PDE1C: variants seen among roughly 807,000 people sequenced by gnomAD.
PDE1C encodes the protein dual specificity calcium/calmodulin-dependent 3',5'-cyclic nucleotide phosphodiesterase 1C.
In PDE1C, 62 loss-of-function variants were observed where a neutral mutation model predicts 93.1. That is an observed-to-expected ratio of 0.67 (90% CI 0.54 to 0.82). PDE1C has a LOEUF of 0.82. Among genes scored for constraint, PDE1C ranks in the 40% least tolerant of loss-of-function variants. PDE1C has a pLI of 0.00. For synonymous variants in PDE1C, 325 were observed against 310.1 expected, an observed-to-expected ratio of 1.05 and a Z score of -0.50; for missense variants, 742 against 884.6, an observed-to-expected ratio of 0.84 and a Z score of 2.04.
At chr7:31,762,592 G>T (rs759076883) in intron 17 of PDE1C, among the ~76,000 whole-genome samples, 1 of 152,060 alleles carries the variant, frequency 6.6e-6, no homozygotes, top group African/African-American at 2.4e-5. Flanking sequence ...TGCCCATCTC[G>T]GCCTCCCAAA....
chr7:32,253,496 A>C (rs935959701), intron 1 of PDE1C, among the ~76,000 whole-genome samples: 3 of 152,196 alleles, frequency 2.0e-5, no homozygotes, highest in Non-Finnish European at 4.4e-5. Flanking sequence ...TAGAAAGAGA[A>C]TCTGCTTATA....
intron 1 of PDE1C, among the ~76,000 whole-genome samples, chr7:32,271,808 C>A (rs1530823): frequency 0.9 from 136,653 of 152,254 alleles, 61,376 homozygotes; most frequent in East Asian, 0.92. Flanking sequence ...CTTGTGATCT[C>A]TCTACTCCAC....
intron 2 of PDE1C, among the ~76,000 whole-genome samples, chr7:32,206,197 T>G (rs73106524): frequency 0.34 from 51,624 of 151,722 alleles, 9,376 homozygotes; most frequent in Admixed American, 0.46. Flanking sequence ...GTAGGAGACC[T>G]TTGAGGATAT....
chr7:31,970,416 A>G (rs1810783453), intron 2 of PDE1C, among the ~76,000 whole-genome samples: 2 of 152,236 alleles, frequency 1.3e-5, no homozygotes, highest in South Asian at 2.1e-4. Context: ...AAAAGTGACA[A>G]CACACCTGTG....
chr7:32,107,376 G>T (rs1024934528), intron 3 of PDE1C, among the ~76,000 whole-genome samples: 27 of 151,880 alleles, frequency 1.8e-4, no homozygotes, highest in African/African-American at 5.8e-4. Flanking sequence ...GCAAGGGAGG[G>T]AAGGAAGGAA....
At chr7:32,340,579 T>C (rs1451669839) in intron 1 of PDE1C, among the ~76,000 whole-genome samples, 1 of 152,226 alleles carries the variant, frequency 6.6e-6, no homozygotes, top group African/African-American at 2.4e-5. Context: ...AAGCAAAGGG[T>C]ACACAATCAT....
At chr7:31,973,027 G>C (rs528613163) in intron 2 of PDE1C, among the ~76,000 whole-genome samples, 6 of 152,208 alleles carry the variant, frequency 3.9e-5, no homozygotes, top group African/African-American at 1.4e-4. Context: ...CTGCAGGCTT[G>C]GCATCTCTCA....
At chr7:31,966,388 C>A (rs1165689086) in intron 2 of PDE1C, among the ~76,000 whole-genome samples, 2 of 152,184 alleles carry the variant, frequency 1.3e-5, no homozygotes, top group Admixed American at 6.5e-5. Context: ...GTAAAGGGAT[C>A]AATTCAACAA....
chr7:32,371,709 T>C (rs748120674), intron 1 of PDE1C, among the ~76,000 whole-genome samples: 13 of 152,216 alleles, frequency 8.5e-5, no homozygotes, highest in Non-Finnish European at 1.6e-4. Context: ...AAGACTTACA[T>C]AAATGGAAAA....
chr7:32,280,363 A>T (rs1285112636), intron 1 of PDE1C, among the ~76,000 whole-genome samples: 1 of 152,222 alleles, frequency 6.6e-6, no homozygotes, highest in Non-Finnish European at 1.5e-5. Context: ...ATTCATAAGA[A>T]AAAATTATAT....
the PDE1C span, among the ~76,000 whole-genome samples, chr7:31,697,514 AAAAG>A: frequency 6.6e-6 from 1 of 152,204 alleles, no homozygotes; most frequent in Non-Finnish European, 1.5e-5. Flanking sequence ...GAGAGACAGA[AAAAG>A]AGATGCAGAA....
intron 2 of PDE1C, among the ~76,000 whole-genome samples, chr7:32,203,395 T>C (rs538398351): frequency 1.0e-3 from 156 of 152,252 alleles, no homozygotes; most frequent in African/African-American, 3.7e-3. Flanking sequence ...CACCATGTCA[T>C]AGGTGCTGCC....
chr7:31,646,400 G>A, the PDE1C span, among the ~76,000 whole-genome samples: 1 of 152,140 alleles, frequency 6.6e-6, no homozygotes, highest in Non-Finnish European at 1.5e-5. Context: ...GAGCAGATTC[G>A]CAGGTAGAAG....
intron 3 of PDE1C, among the ~76,000 whole-genome samples, chr7:32,132,732 G>A (rs1461329346): frequency 2.6e-5 from 4 of 152,112 alleles, no homozygotes; most frequent in African/African-American, 4.8e-5. Flanking sequence ...ATTGTTGGGG[G>A]CAAGAATAGA....
chr7:32,309,484 A>G (rs1283334590), intron 1 of PDE1C, among the ~76,000 whole-genome samples: 1 of 152,218 alleles, frequency 6.6e-6, no homozygotes, highest in East Asian at 1.9e-4. Context: ...AAAAAATGTT[A>G]AGGGCAGCCA....
intron 2 of PDE1C, among the ~76,000 whole-genome samples, chr7:31,994,299 A>C (rs1170040462): frequency 6.6e-6 from 1 of 152,190 alleles, no homozygotes; most frequent in Non-Finnish European, 1.5e-5. Flanking sequence ...TTTTTGTAAA[A>C]AGATACCAAA....
intron 16 of PDE1C, chr7:31,783,999 TCCAAA>T (rs748665951): frequency 7.2e-5 from 11 of 152,238 alleles, no homozygotes; most frequent in Non-Finnish European, 1.2e-4. Flanking sequence ...TCCTTATTCC[TCCAAA>T]GAATTGTTTA....
intron 1 of PDE1C, among the ~76,000 whole-genome samples, chr7:32,380,447 A>G (rs528937440): frequency 2.1e-5 from 3 of 142,070 alleles, no homozygotes; most frequent in South Asian, 2.2e-4. Context: ...AGGGTTCCAC[A>G]TCGTTAGCCA....
At chr7:31,827,487 G>A (rs1789835454) in intron 12 of PDE1C, among the ~76,000 whole-genome samples, 1 of 151,980 alleles carries the variant, frequency 6.6e-6, no homozygotes, top group Non-Finnish European at 1.5e-5. Flanking sequence ...ACCCAATACT[G>A]GTTTAATGTC....
Sources: allele counts gnomAD v4.1 joint callset (sites outside exome capture counted in the v4.1 genomes callset), GRCh38; gene constraint gnomAD v4.1.1; transcripts MANE v1.5; gene names NCBI Gene and HGNC (gene_info 2026-07-23, HGNC 2026-07-21).